CASK: variants seen among roughly 807,000 people sequenced by gnomAD.
CASK encodes the protein calcium/calmodulin dependent serine protein kinase, also known as peripheral plasma membrane protein CASK.
A neutral mutation model predicts 82.9 loss-of-function variants in CASK; 4 were observed. That is an observed-to-expected ratio of 0.05 (90% CI 0.02 to 0.11). The LOEUF (loss-of-function observed/expected upper bound fraction) is 0.11, where lower values mean the gene tolerates loss of function less well. Ranked by LOEUF, CASK falls within the 10% of genes least tolerant of loss-of-function variation. The pLI is 1.00. For synonymous variants in CASK, 259 were observed against 253.5 expected, an observed-to-expected ratio of 1.02 and a Z score of -0.20; for missense variants, 358 against 720.9, an observed-to-expected ratio of 0.50 and a Z score of 5.76.
chrX:41,550,297 T>C (rs1399639013), intron 21 of CASK, among the ~76,000 whole-genome samples: 1 of 112,406 alleles, frequency 8.9e-6, no homozygotes, highest in Admixed American at 9.4e-5. Context: ...CTTTTTTGCC[T>C]GGCTTCTTTC....
intron 5 of CASK, among the ~76,000 whole-genome samples, chrX:41,731,957 G>A (rs77773185): frequency 4.6e-5 from 2 of 43,749 alleles, no homozygotes; most frequent in African/African-American, 1.8e-4. Flanking sequence ...TTTTTTTTTT[G>A]TAGAGATGTG....
intron 5 of CASK, among the ~76,000 whole-genome samples, chrX:41,717,827 T>C (rs766134145): frequency 8.9e-6 from 1 of 112,281 alleles, no homozygotes; most frequent in Admixed American, 9.4e-5. Flanking sequence ...GTGGACTGGA[T>C]ACTATGAAAT....
intron 1 of CASK, among the ~76,000 whole-genome samples, chrX:41,871,237 C>T (rs1266525788): frequency 8.9e-6 from 1 of 112,106 alleles, no homozygotes; most frequent in African/African-American, 3.2e-5. Flanking sequence ...CAGGAAATCT[C>T]CTTTAAGTTG....
At chrX:41,716,688 T>C (rs1418466417) in intron 5 of CASK, among the ~76,000 whole-genome samples, 1 of 111,713 alleles carries the variant, frequency 9.0e-6, no homozygotes, top group Non-Finnish European at 1.9e-5. Flanking sequence ...AAACTTTGAG[T>C]CAGAATTCCT....
intron 16 of CASK, among the ~76,000 whole-genome samples, chrX:41,565,208 A>G (rs2147166157): frequency 9.0e-6 from 1 of 111,660 alleles, no homozygotes; most frequent in East Asian, 2.8e-4. Flanking sequence ...TTCAAAAGCT[A>G]GCGGAAGGCA....
intron 3 of CASK, among the ~76,000 whole-genome samples, chrX:41,773,143 G>A (rs935010002): frequency 2.7e-5 from 3 of 110,306 alleles, no homozygotes; most frequent in African/African-American, 6.6e-5. Flanking sequence ...CCAACACTCT[G>A]GGAGGCTGGG....
chrX:41,917,668 G>A (rs931009004), intron 1 of CASK, among the ~76,000 whole-genome samples: 1 of 111,684 alleles, frequency 9.0e-6, no homozygotes, highest in African/African-American at 3.3e-5. Context: ...AGCGTGTTAC[G>A]GACATAAAAA....
chrX:41,568,770 G>T (rs907201279), intron 16 of CASK, among the ~76,000 whole-genome samples: 17 of 111,877 alleles, frequency 1.5e-4, no homozygotes, highest in African/African-American at 5.2e-4. Flanking sequence ...GGAGGAGGCA[G>T]GCAGATTGCT....
intron 1 of CASK, among the ~76,000 whole-genome samples, chrX:41,901,082 T>G (rs995076358): frequency 1.8e-5 from 2 of 111,690 alleles, no homozygotes; most frequent in African/African-American, 6.5e-5. Flanking sequence ...GATGTCCATT[T>G]CTTTATGACT....
chrX:41,771,909 T>G (rs560984259), intron 3 of CASK, among the ~76,000 whole-genome samples: 7 of 110,828 alleles, frequency 6.3e-5, no homozygotes, highest in African/African-American at 2.0e-4. Context: ...CACAACTATA[T>G]GCCTTTAACA....
At chrX:41,674,731 A>G (rs923082100) in intron 5 of CASK, among the ~76,000 whole-genome samples, 1 of 111,463 alleles carries the variant, frequency 9.0e-6, no homozygotes, top group Non-Finnish European at 1.9e-5. Flanking sequence ...AGAGGGAATA[A>G]GGAATAAATT....
At chrX:41,741,539 A>G (rs2068597601) in intron 4 of CASK, among the ~76,000 whole-genome samples, 1 of 111,840 alleles carries the variant, frequency 8.9e-6, no homozygotes, top group South Asian at 3.7e-4. Context: ...GAAAATTCCT[A>G]TCTCAAAGTC....
chrX:41,530,962 G>T, intron 25 of CASK, 45 bp downstream of exon 25: 1 of 1,068,311 alleles, frequency 9.4e-7, no homozygotes, highest in Non-Finnish European at 1.3e-6. Context: ...TGTGCTTATT[G>T]GCATGCAGGC....
Position 41,633,948 on chromosome X carries a change from G to C in CASK, c.915+2630C>G, listed in dbSNP as rs375883810. 1.1e-4 allele frequency among the ~76,000 whole-genome samples: 12 copies of C among 110,938 alleles called. No individual in the cohort carries two copies. In the East Asian group the frequency reaches 3.1e-3, roughly 29 times the overall value. ...GGTTAATTTTTGTATATTTTGTAGA[G>C]ACGGGGTTTCACCATGTTGCCCAGG... On this transcript the variant is annotated intron_variant, in intron 9 of 26. Coordinates refer to ENST00000378163, the MANE Select transcript of CASK (RefSeq NM_001367721.1).
chrX:41,792,209 G>A (rs898427990), intron 2 of CASK, among the ~76,000 whole-genome samples: 3 of 111,148 alleles, frequency 2.7e-5, no homozygotes, highest in Non-Finnish European at 5.6e-5. Context: ...GAAGAACTAG[G>A]AGAACTTTTC....
chrX:41,611,133 A>G (rs1157772315), intron 11 of CASK, among the ~76,000 whole-genome samples: 1 of 111,663 alleles, frequency 9.0e-6, no homozygotes, highest in Non-Finnish European at 1.9e-5. Context: ...AACATCCTAC[A>G]ATACCCAGGA....
intron 1 of CASK, among the ~76,000 whole-genome samples, chrX:41,885,049 TAGAC>T (rs1157008448): frequency 1.8e-5 from 2 of 112,301 alleles, no homozygotes; most frequent in African/African-American, 3.2e-5. Flanking sequence ...AAACTCACGT[TAGAC>T]AGAATCTGTA....
intron 9 of CASK, among the ~76,000 whole-genome samples, chrX:41,634,835 CA>C (rs1169730857): frequency 1.8e-5 from 2 of 112,117 alleles, no homozygotes; most frequent in African/African-American, 6.5e-5. Context: ...GATATCAAGG[CA>C]AAAAGAATAA....
At chrX:41,602,147 A>G (rs924147758) in intron 12 of CASK, among the ~76,000 whole-genome samples, 13 of 111,910 alleles carry the variant, frequency 1.2e-4, no homozygotes, top group African/African-American at 3.9e-4. Context: ...TGACTTCTAC[A>G]AAGAAATCCT....
Sources: allele counts gnomAD v4.1 joint callset (sites outside exome capture counted in the v4.1 genomes callset), GRCh38; gene constraint gnomAD v4.1.1; transcripts MANE v1.5; gene names NCBI Gene and HGNC (gene_info 2026-07-23, HGNC 2026-07-21).